Variants in TENM1 observed in about 807,000 individuals in gnomAD.
The protein encoded by TENM1 is teneurin-1.
Under a neutral mutation model 174.8 loss-of-function variants are expected in TENM1, and 35 were observed. That is an observed-to-expected ratio of 0.20 (90% CI 0.15 to 0.27). The LOEUF is 0.27. Among genes scored for constraint, TENM1 ranks in the 10% least tolerant of loss-of-function variants. TENM1 has a pLI of 1.00. For synonymous variants in TENM1, 781 were observed against 798.7 expected, an observed-to-expected ratio of 0.98 and a Z score of 0.37; for missense variants, 1,633 against 2,130.1, an observed-to-expected ratio of 0.77 and a Z score of 4.59.
chrX:124,722,414 CGG>C (rs1158649014), intron 4 of TENM1, among the ~76,000 whole-genome samples: 8 of 111,086 alleles, frequency 7.2e-5, no homozygotes, highest in South Asian at 3.8e-4. Flanking sequence ...TGCTTGCCCT[CGG>C]AAATATGATG....
chrX:124,562,724 G>A (rs180998678), intron 13 of TENM1, among the ~76,000 whole-genome samples: 5 of 112,799 alleles, frequency 4.4e-5, no homozygotes, highest in Admixed American at 1.9e-4. Context: ...CGCCACATGC[G>A]CAGTGGGCAG....
chrX:124,708,112 C>CA (rs747745724), intron 4 of TENM1, among the ~76,000 whole-genome samples: 212 of 112,363 alleles, frequency 1.9e-3, no homozygotes, highest in Middle Eastern at 4.6e-3. Context: ...TAATGTACAA[C>CA]AAAAAATTTC....
intron 11 of TENM1, among the ~76,000 whole-genome samples, chrX:124,593,847 T>C: frequency 8.9e-6 from 1 of 111,906 alleles, no homozygotes; most frequent in Non-Finnish European, 1.9e-5. Context: ...GAGAGCACAA[T>C]TCCAGTGCCT....
intron 11 of TENM1, among the ~76,000 whole-genome samples, chrX:124,618,296 A>G (rs1035133113): frequency 8.9e-6 from 1 of 111,813 alleles, no homozygotes; most frequent in Non-Finnish European, 1.9e-5. Context: ...CTACTTTTCC[A>G]TGATCTGTTT....
At chrX:124,737,312 G>A (rs2053698205) in intron 3 of TENM1, 115 bp from the exon 7 acceptor site, 12 of 878,437 alleles carry the variant, frequency 1.4e-5, no homozygotes, top group Non-Finnish European at 1.8e-5. Flanking sequence ...GTGGGGTGAG[G>A]GAGGTTGTTT....
the TENM1 span, among the ~76,000 whole-genome samples, chrX:125,053,509 G>C: frequency 3.6e-5 from 4 of 111,976 alleles, no homozygotes; most frequent in South Asian, 3.7e-4. Flanking sequence ...TTATGTTCAG[G>C]CTTCCCCTAC....
At chrX:125,111,783 T>C in the TENM1 span, among the ~76,000 whole-genome samples, 1 of 111,941 alleles carries the variant, frequency 8.9e-6, no homozygotes, top group Non-Finnish European at 1.9e-5. Flanking sequence ...ATAAAACTGA[T>C]AGTATTCACT....
At chrX:124,608,469 T>G (rs934294402) in intron 11 of TENM1, among the ~76,000 whole-genome samples, 1 of 111,566 alleles carries the variant, frequency 9.0e-6, no homozygotes, top group African/African-American at 3.2e-5. Flanking sequence ...CTACCCCATC[T>G]GGTGGGATGT....
intron 3 of TENM1, among the ~76,000 whole-genome samples, chrX:124,870,352 T>A (rs1160264548): frequency 8.9e-6 from 1 of 111,744 alleles, no homozygotes; most frequent in African/African-American, 3.3e-5. Context: ...TTACAATTAA[T>A]GTAGATGGAA....
chrX:124,606,588 TG>T (rs1308589728), intron 11 of TENM1, among the ~76,000 whole-genome samples: 7 of 111,510 alleles, frequency 6.3e-5, no homozygotes, highest in Non-Finnish European at 1.3e-4. Context: ...AGATTTTGTC[TG>T]GATCCAACAT....
intron 6 of TENM1, among the ~76,000 whole-genome samples, chrX:124,657,322 T>C (rs891275590): frequency 9.0e-6 from 1 of 111,390 alleles, no homozygotes; most frequent in East Asian, 2.8e-4. Context: ...ACTCTCTTTA[T>C]AGGTTGCAAC....
chrX:125,141,924 T>A, the TENM1 span, among the ~76,000 whole-genome samples: 1 of 111,570 alleles, frequency 9.0e-6, no homozygotes, highest in Non-Finnish European at 1.9e-5. Flanking sequence ...CCTAGCTGTG[T>A]GATCTCAGGT....
intron 4 of TENM1, among the ~76,000 whole-genome samples, chrX:124,734,485 A>AATAAATAAATAAATAC (rs2053628963): frequency 9.0e-6 from 1 of 110,779 alleles, no homozygotes; most frequent in South Asian, 3.8e-4. Context: ...TAAATAAATA[A>AATAAATAAATAAATAC]ATACAGAAAC....
chrX:124,975,133 T>C, the TENM1 span, among the ~76,000 whole-genome samples: 1 of 108,764 alleles, frequency 9.2e-6, no homozygotes, highest in Non-Finnish European at 1.9e-5. Context: ...ACACCCTTTC[T>C]TTTGGAACTC....
intron 4 of TENM1, among the ~76,000 whole-genome samples, chrX:124,723,496 C>G (rs2053365921): frequency 9.1e-6 from 1 of 109,798 alleles, no homozygotes; most frequent in Non-Finnish European, 1.9e-5. Flanking sequence ...AAAACTCCAT[C>G]TAGGTTTTTC....
At chrX:124,391,977 A>G in intron 28 of TENM1, 75 bp downstream of exon 31, 1 of 902,857 alleles carries the variant, frequency 1.1e-6, no homozygotes, top group East Asian at 3.1e-5. Context: ...GTCCTCACCA[A>G]GATGGACAAT....
chrX:124,834,506 C>T (rs1312720543), intron 3 of TENM1, among the ~76,000 whole-genome samples: 1 of 111,557 alleles, frequency 9.0e-6, no homozygotes, highest in Non-Finnish European at 1.9e-5. Context: ...TATTGGTAAA[C>T]AGCTCAGGAA....
intron 8 of TENM1, among the ~76,000 whole-genome samples, chrX:124,647,399 T>G (rs1327052161): frequency 4.5e-5 from 5 of 111,662 alleles, no homozygotes; most frequent in Non-Finnish European, 9.4e-5. Context: ...TGAGAAATGC[T>G]TTCTGAACTG....
At chrX:124,913,186 C>T (rs779528599) in intron 1 of TENM1, among the ~76,000 whole-genome samples, 2 of 110,752 alleles carry the variant, frequency 1.8e-5, no homozygotes, top group African/African-American at 6.5e-5. Context: ...TATACGTTCC[C>T]ATAGTGATTC....
Sources: allele counts gnomAD v4.1 joint callset (sites outside exome capture counted in the v4.1 genomes callset), GRCh38; gene constraint gnomAD v4.1.1; transcripts MANE v1.5; gene names NCBI Gene and HGNC (gene_info 2026-07-23, HGNC 2026-07-21).